Variants in HS3ST4 observed in about 807,000 individuals in gnomAD.
HS3ST4 encodes the protein heparan sulfate glucosamine 3-O-sulfotransferase 4.
HS3ST4 carries 17 observed loss-of-function variants against 29.2 expected under a neutral mutation model. The observed-to-expected ratio is 0.58, with a 90% CI of 0.40 to 0.87. The LOEUF (loss-of-function observed/expected upper bound fraction) is 0.87, where lower values mean the gene tolerates loss of function less well. HS3ST4 is among the 40% of genes least tolerant of loss of function. HS3ST4 has a pLI of 0.00. For synonymous variants in HS3ST4, 314 were observed against 285.7 expected, an observed-to-expected ratio of 1.10 and a Z score of -1.00; for missense variants, 627 against 634.5, an observed-to-expected ratio of 0.99 and a Z score of 0.13.
intron 1 of HS3ST4, among the ~76,000 whole-genome samples, chr16:25,847,948 G>A (rs1470262216): frequency 6.6e-6 from 1 of 152,068 alleles, no homozygotes; most frequent in African/African-American, 2.4e-5. Context: ...GGTCTTTACT[G>A]CTGGTAAAAT....
intron 1 of HS3ST4, among the ~76,000 whole-genome samples, chr16:26,037,907 G>C (rs935651538): frequency 6.6e-6 from 1 of 152,066 alleles, no homozygotes; most frequent in Non-Finnish European, 1.5e-5. Context: ...TTGCCTCTAG[G>C]GTCTTTTCTC....
At chr16:26,043,667 G>C (rs1433349001) in intron 1 of HS3ST4, among the ~76,000 whole-genome samples, 3 of 152,210 alleles carry the variant, frequency 2.0e-5, no homozygotes, top group East Asian at 3.8e-4. Context: ...TTACCAGGGA[G>C]ACTCTCTGAA....
At position 25,906,917 on chromosome 16, in the gene HS3ST4, G is replaced by T. The variant is rs1474363088; in HGVS notation, c.734+213766G>T. Among the ~76,000 whole-genome samples the T allele has an allele frequency of 2.0e-5, 3 of 152,192 alleles. No homozygotes were observed. The East Asian group carries it at 5.8e-4, about 29-fold the overall frequency. ...CTTGATTAAAGATTATGCTGGGGCTGGGTGCAGTGGCTCACACCTGTAATC... is the reference window on the plus strand; with the variant it reads ...CTTGATTAAAGATTATGCTGGGGCTTGGTGCAGTGGCTCACACCTGTAATC... On this transcript the variant is annotated intron_variant, in intron 1 of 1. Coordinates refer to ENST00000331351, the MANE Select transcript of HS3ST4 (RefSeq NM_006040.3).
intron 1 of HS3ST4, among the ~76,000 whole-genome samples, chr16:26,107,289 T>C (rs755197442): frequency 7.9e-5 from 12 of 151,612 alleles, no homozygotes; most frequent in African/African-American, 2.7e-4. Flanking sequence ...TTATGTATGT[T>C]TATATATGTG....
At chr16:25,967,628 C>A (rs77133904) in intron 1 of HS3ST4, among the ~76,000 whole-genome samples, 12,821 of 152,224 alleles carry the variant, frequency 0.084, 730 homozygotes, top group Non-Finnish European at 0.12. Context: ...TCTCTCTAGA[C>A]CATTTCCTAT....
chr16:25,774,873 TC>T (rs1373271822), intron 1 of HS3ST4, among the ~76,000 whole-genome samples: 1 of 152,212 alleles, frequency 6.6e-6, no homozygotes, highest in Non-Finnish European at 1.5e-5. Context: ...ACTGTCCCTG[TC>T]CCCAGCAGCA....
intron 1 of HS3ST4, among the ~76,000 whole-genome samples, chr16:25,742,906 C>T (rs1334709037): frequency 1.3e-5 from 2 of 152,244 alleles, no homozygotes; most frequent in Admixed American, 1.3e-4. Context: ...TCTAATGCAT[C>T]TCTTGAACTA....
At chr16:26,014,586 C>G (rs953868423) in intron 1 of HS3ST4, among the ~76,000 whole-genome samples, 2 of 152,180 alleles carry the variant, frequency 1.3e-5, no homozygotes, top group African/African-American at 4.8e-5. Context: ...TTAGCGAGAG[C>G]ACACTGTATT....
intron 1 of HS3ST4, among the ~76,000 whole-genome samples, chr16:25,723,662 A>G (rs529610653): frequency 1.3e-5 from 2 of 152,356 alleles, no homozygotes; most frequent in South Asian, 2.1e-4. Context: ...TTTACTCAAA[A>G]TATCCTCGAT....
intron 1 of HS3ST4, among the ~76,000 whole-genome samples, chr16:25,785,788 GAGA>G (rs1415829000): frequency 1.3e-5 from 2 of 152,222 alleles, no homozygotes; most frequent in African/African-American, 2.4e-5. Context: ...GTAAAGCACA[GAGA>G]AGAAGAGGGG....
intron 1 of HS3ST4, among the ~76,000 whole-genome samples, chr16:25,973,929 T>C (rs1326770968): frequency 6.6e-6 from 1 of 152,164 alleles, no homozygotes; most frequent in East Asian, 1.9e-4. Context: ...ACTTAATAAA[T>C]GGCCCCTCTC....
At chr16:25,712,755 A>G (rs938396352) in intron 1 of HS3ST4, among the ~76,000 whole-genome samples, 1 of 152,242 alleles carries the variant, frequency 6.6e-6, no homozygotes, top group Non-Finnish European at 1.5e-5. Flanking sequence ...AAATTCTTTC[A>G]TATGAGAAAA....
At chr16:25,940,078 C>T (rs1470130606) in intron 1 of HS3ST4, among the ~76,000 whole-genome samples, 1 of 152,124 alleles carries the variant, frequency 6.6e-6, no homozygotes, top group East Asian at 1.9e-4. Flanking sequence ...CGGAGGAGGT[C>T]AGAGCTTTAT....
chr16:25,726,463 C>T (rs1966535564), intron 1 of HS3ST4, among the ~76,000 whole-genome samples: 2 of 152,198 alleles, frequency 1.3e-5, no homozygotes, highest in South Asian at 2.1e-4. Flanking sequence ...CATACACACA[C>T]ACATACACAC....
At chr16:26,042,891 C>A (rs1018507852) in intron 1 of HS3ST4, among the ~76,000 whole-genome samples, 1 of 152,126 alleles carries the variant, frequency 6.6e-6, no homozygotes, top group African/African-American at 2.4e-5. Context: ...CAGCCTTTTG[C>A]TGGATTTTGG....
chr16:25,722,551 A>G (rs1271712949), intron 1 of HS3ST4, among the ~76,000 whole-genome samples: 1 of 152,224 alleles, frequency 6.6e-6, no homozygotes, highest in Non-Finnish European at 1.5e-5. Context: ...ATATGGATAC[A>G]GTGTCACCTG....
chr16:25,750,273 CAGA>C (rs1966710680), intron 1 of HS3ST4, among the ~76,000 whole-genome samples: 1 of 152,164 alleles, frequency 6.6e-6, no homozygotes. Context: ...TAGAGCAGCT[CAGA>C]GCTCCAAAAT....
intron 1 of HS3ST4, among the ~76,000 whole-genome samples, chr16:25,774,648 C>CA (rs538426559): frequency 7.7e-4 from 117 of 152,248 alleles, no homozygotes; most frequent in African/African-American, 2.7e-3. Flanking sequence ...GCTTCTACCC[C>CA]AACGTGTGGA....
At chr16:25,944,774 G>A (rs1968609042) in intron 1 of HS3ST4, among the ~76,000 whole-genome samples, 1 of 152,094 alleles carries the variant, frequency 6.6e-6, no homozygotes, top group South Asian at 2.1e-4. Context: ...ATACCCAGAG[G>A]TAGCACAGGG....
Sources: gnomAD v4.1 joint callset for allele counts (sites outside exome capture counted in the v4.1 genomes callset) on GRCh38, gnomAD v4.1.1 for gene constraint, MANE v1.5 for transcripts, NCBI Gene and HGNC (gene_info 2026-07-23, HGNC 2026-07-21) for gene names.